The following GDPD1 variants were observed in gnomAD, a reference collection of about 807,000 sequenced individuals.
The protein encoded by GDPD1 is lysophospholipase D GDPD1.
Under a neutral mutation model 45.1 loss-of-function variants are expected in GDPD1, and 28 were observed. The observed-to-expected ratio is 0.62, with a 90% CI of 0.46 to 0.85. The LOEUF is 0.85. GDPD1 is among the 40% of genes least tolerant of loss of function. The probability of loss-of-function intolerance (pLI) is 0.00; values close to 1 mark genes in which losing one functional copy is unlikely to be tolerated. For synonymous variants in GDPD1, 139 were observed against 131.4 expected, an observed-to-expected ratio of 1.06 and a Z score of -0.40; for missense variants, 256 against 364.8, an observed-to-expected ratio of 0.70 and a Z score of 2.43.
chr17:59,234,672 T>C (rs2047118377), intron 2 of GDPD1, 138 bp downstream of exon 2: 1 of 642,692 alleles, frequency 1.6e-6, no homozygotes. Flanking sequence ...TTTGTTAAAA[T>C]TTCTTTTTTT....
chr17:59,238,291 TA>T (rs1332472065), intron 2 of GDPD1, among the ~76,000 whole-genome samples: 2 of 146,316 alleles, frequency 1.4e-5, no homozygotes, highest in African/African-American at 2.6e-5. Flanking sequence ...AAAAAAGAAG[TA>T]ATTAAAACTG....
At chr17:59,259,551 A>G (rs2047336680) in intron 6 of GDPD1, among the ~76,000 whole-genome samples, 1 of 127,336 alleles carries the variant, frequency 7.9e-6, no homozygotes, top group Non-Finnish European at 1.6e-5. Flanking sequence ...TGGGTGACAG[A>G]GCAAGACTCT....
chr17:59,233,514 A>AAG (rs1233977978), intron 1 of GDPD1, among the ~76,000 whole-genome samples: 127 of 149,170 alleles, frequency 8.5e-4, no homozygotes, highest in African/African-American at 3.0e-3. Flanking sequence ...TCCGTCTCAA[A>AAG]AAAAAAAAAA....
chr17:59,238,045 G>T (rs2047147050), intron 2 of GDPD1, among the ~76,000 whole-genome samples: 1 of 150,296 alleles, frequency 6.7e-6, no homozygotes. Context: ...GAGGCGGGTG[G>T]ATCACCTGAG....
At chr17:59,266,912 A>T in intron 6 of GDPD1, 129 bp from the exon 7 acceptor site, 1 of 759,380 alleles carries the variant, frequency 1.3e-6, no homozygotes, top group South Asian at 1.8e-5. Flanking sequence ...GCAAATGAAT[A>T]TTCATAATCC....
In GDPD1 at chr17:59,227,539, CTT is replaced by C. The variant is rs1385768915; in HGVS notation, c.142+6793_142+6794del. Among the ~76,000 whole-genome samples the C allele has an allele frequency of 8.6e-5, 13 of 151,776 alleles. No homozygotes were observed. The East Asian group carries it at 2.3e-3, about 27-fold the overall frequency. On this transcript the variant is annotated intron_variant, in intron 1 of 9. Coordinates refer to ENST00000284116, the MANE Select transcript of GDPD1 (RefSeq NM_182569.4). ...ATATGTTCACATCAAAATCTGTGTC[CTT>C]TTTTAAAAATTACAATATTATTTAT...
intron 6 of GDPD1, among the ~76,000 whole-genome samples, chr17:59,263,821 A>G (rs1427858328): frequency 6.6e-6 from 1 of 151,978 alleles, no homozygotes; most frequent in Non-Finnish European, 1.5e-5. Flanking sequence ...AGAATTTTAC[A>G]TCAGCCTTTT....
chr17:59,261,450 C>CA (rs1568348907), intron 6 of GDPD1, among the ~76,000 whole-genome samples: 1 of 151,966 alleles, frequency 6.6e-6, no homozygotes, highest in South Asian at 2.1e-4. Flanking sequence ...TACATGCTTA[C>CA]AAAAACCTAT....
At chr17:59,249,831 A>T (rs2047239676) in intron 4 of GDPD1, among the ~76,000 whole-genome samples, 1 of 152,222 alleles carries the variant, frequency 6.6e-6, no homozygotes, top group Admixed American at 6.5e-5. Context: ...CCTTGGTTAA[A>T]TGTCAGCTCC....
intron 6 of GDPD1, among the ~76,000 whole-genome samples, chr17:59,260,496 C>T (rs923647269): frequency 6.6e-6 from 1 of 151,706 alleles, no homozygotes; most frequent in African/African-American, 2.4e-5. Context: ...GAGCTGGGAT[C>T]GCACCACTGC....
At chr17:59,240,367 A>G (rs1273417121) in intron 2 of GDPD1, among the ~76,000 whole-genome samples, 1 of 152,106 alleles carries the variant, frequency 6.6e-6, no homozygotes, top group Non-Finnish European at 1.5e-5. Flanking sequence ...AAGAAAATAT[A>G]TTTGTACAGC....
At chr17:59,271,127 A>G in intron 8 of GDPD1, 132 bp downstream of exon 8, 1 of 553,244 alleles carries the variant, frequency 1.8e-6, no homozygotes, top group South Asian at 2.5e-5. Flanking sequence ...GCTATGTAAA[A>G]TGTGTATGAA....
At chr17:59,257,334 A>C in intron 5 of GDPD1, 94 bp downstream of exon 5, 1 of 674,166 alleles carries the variant, frequency 1.5e-6, no homozygotes, top group African/African-American at 1.8e-5. Flanking sequence ...GATAATGCTC[A>C]AGGAAATGTG....
intron 7 of GDPD1, among the ~76,000 whole-genome samples, chr17:59,269,543 G>A (rs1003847428): frequency 1.4e-5 from 2 of 148,050 alleles, no homozygotes; most frequent in Non-Finnish European, 3.0e-5. Context: ...TTTATTCCTG[G>A]CTGGGCCAGG....
intron 6 of GDPD1, among the ~76,000 whole-genome samples, chr17:59,263,371 A>G (rs1018429249): frequency 3.3e-5 from 5 of 151,732 alleles, no homozygotes; most frequent in Non-Finnish European, 5.9e-5. Context: ...TTTTCCCTTG[A>G]TTTCCATACT....
intron 1 of GDPD1, among the ~76,000 whole-genome samples, chr17:59,222,203 TG>T (rs1799777115): frequency 6.6e-6 from 1 of 152,004 alleles, no homozygotes; most frequent in African/African-American, 2.4e-5. Flanking sequence ...TTTGTTTGTT[TG>T]TTTTTTTGTT....
intron 2 of GDPD1, among the ~76,000 whole-genome samples, chr17:59,236,531 T>C (rs1335358848): frequency 1.3e-5 from 2 of 152,140 alleles, no homozygotes; most frequent in African/African-American, 4.8e-5. Flanking sequence ...AGTCTTGCTC[T>C]GTCACCCAGG....
At chr17:59,236,579 T>A (rs954809257) in intron 2 of GDPD1, among the ~76,000 whole-genome samples, 2 of 152,114 alleles carry the variant, frequency 1.3e-5, no homozygotes, top group Non-Finnish European at 2.9e-5. Context: ...CACGGCAATC[T>A]CCACCTCCCA....
intron 6 of GDPD1, among the ~76,000 whole-genome samples, chr17:59,262,740 G>A (rs970455124): frequency 4.0e-5 from 6 of 149,952 alleles, no homozygotes; most frequent in Admixed American, 6.8e-5. Flanking sequence ...CGATTTTCCC[G>A]CTTCAGCCTC....
Sources: gnomAD v4.1 joint callset for allele counts (sites outside exome capture counted in the v4.1 genomes callset) on GRCh38, gnomAD v4.1.1 for gene constraint, MANE v1.5 for transcripts, NCBI Gene and HGNC (gene_info 2026-07-23, HGNC 2026-07-21) for gene names.